MGAT5: variants seen among roughly 807,000 people sequenced by gnomAD.
MGAT5 encodes alpha-1,6-mannosylglycoprotein 6-beta-N-acetylglucosaminyltransferase.
In MGAT5, 30 loss-of-function variants were observed where a neutral mutation model predicts 94.3. The ratio of observed to expected loss-of-function variants is 0.32; its 90% CI spans 0.24 to 0.43. The LOEUF is 0.43. Ranked by LOEUF, MGAT5 falls within the 20% of genes least tolerant of loss-of-function variation. The probability of loss-of-function intolerance (pLI) is 1.00; values close to 1 mark genes in which losing one functional copy is unlikely to be tolerated. For synonymous variants in MGAT5, 310 were observed against 322.9 expected, an observed-to-expected ratio of 0.96 and a Z score of 0.43; for missense variants, 691 against 905.5, an observed-to-expected ratio of 0.76 and a Z score of 3.04.
chr2:134,279,225 T>C (rs1684554088), intron 2 of MGAT5, among the ~76,000 whole-genome samples: 1 of 152,242 alleles, frequency 6.6e-6, no homozygotes, highest in Admixed American at 6.5e-5. Flanking sequence ...CTGCCACTTA[T>C]GTGCTTTGAC....
At chr2:134,260,521 G>C (rs1683256867) in intron 1 of MGAT5, among the ~76,000 whole-genome samples, 1 of 152,136 alleles carries the variant, frequency 6.6e-6, no homozygotes, top group Admixed American at 6.5e-5. Flanking sequence ...GAGAGCTTTT[G>C]CAAGTGTTTC....
chr2:134,256,557 G>A (rs1420057114), intron 1 of MGAT5, among the ~76,000 whole-genome samples: 1 of 152,182 alleles, frequency 6.6e-6, no homozygotes, highest in Non-Finnish European at 1.5e-5. Context: ...AAATCTCATA[G>A]GGAAGGCTTC....
intron 1 of MGAT5, among the ~76,000 whole-genome samples, chr2:134,152,667 C>G (rs924720610): frequency 3.9e-5 from 6 of 152,216 alleles, no homozygotes; most frequent in African/African-American, 7.2e-5. Flanking sequence ...CCAGAGACTT[C>G]ACTAATGAAC....
At chr2:134,289,192 C>A (rs916471194) in intron 2 of MGAT5, among the ~76,000 whole-genome samples, 4 of 152,188 alleles carry the variant, frequency 2.6e-5, no homozygotes, top group African/African-American at 9.6e-5. Flanking sequence ...GTGCCAGTCT[C>A]TCCTCTTCCC....
At chr2:134,414,728 T>C (rs1484697282) in intron 12 of MGAT5, among the ~76,000 whole-genome samples, 1 of 152,216 alleles carries the variant, frequency 6.6e-6, no homozygotes, top group African/African-American at 2.4e-5. Flanking sequence ...AATCAACTTG[T>C]ATAACTGAGA....
intron 1 of MGAT5, among the ~76,000 whole-genome samples, chr2:134,175,977 T>TAGCTTACAATCATGTTGTTTTATGAC (rs1440540239): frequency 2.0e-5 from 3 of 152,232 alleles, no homozygotes; most frequent in Admixed American, 2.0e-4. Flanking sequence ...TATTTTATGA[T>TAGCTTACAATCATGTTGTTTTATGAC]AGCTTACAAT....
chr2:134,440,771 G>A (rs930668112), intron 14 of MGAT5, among the ~76,000 whole-genome samples: 1 of 152,166 alleles, frequency 6.6e-6, no homozygotes, highest in African/African-American at 2.4e-5. Context: ...GAATTATGAG[G>A]TGGGAGGAGG....
chr2:134,199,941 G>A (rs1679696838), intron 1 of MGAT5, among the ~76,000 whole-genome samples: 1 of 152,086 alleles, frequency 6.6e-6, no homozygotes, highest in Non-Finnish European at 1.5e-5. Flanking sequence ...AGAAGCTTCA[G>A]TGGTCCAGTG....
chr2:134,381,493 A>G (rs191959444), intron 10 of MGAT5, among the ~76,000 whole-genome samples: 21 of 148,008 alleles, frequency 1.4e-4, no homozygotes, highest in African/African-American at 5.3e-4. Context: ...AAATAGACAG[A>G]CCAGACAGAC....
intron 10 of MGAT5, among the ~76,000 whole-genome samples, chr2:134,382,297 A>G (rs1681680148): frequency 6.6e-6 from 1 of 152,116 alleles, no homozygotes; most frequent in Non-Finnish European, 1.5e-5. Flanking sequence ...GCTCCAGATC[A>G]GTAGATCAGA....
At chr2:134,437,019 C>T (rs749805855) in intron 14 of MGAT5, among the ~76,000 whole-genome samples, 3 of 152,212 alleles carry the variant, frequency 2.0e-5, no homozygotes, top group Non-Finnish European at 4.4e-5. Context: ...CACAGAGTCT[C>T]GCTCTGTCGC....
chr2:134,138,214 C>CT (rs1686506575), intron 1 of MGAT5, among the ~76,000 whole-genome samples: 1 of 20,380 alleles, frequency 4.9e-5, no homozygotes, highest in African/African-American at 1.9e-4. Flanking sequence ...CTATCATTGC[C>CT]CTTTTTTTTT....
In MGAT5 at chr2:134,192,012, C is replaced by T. The variant is rs10199475; in HGVS notation, c.-142-62250C>T. ...TAGGGTGGGTTCGCGCCCTCCTCCT[C>T]GCGTGAGCGGGTTCCTGATTGAAGG... is the stretch of plus-strand genomic sequence containing the variant. On this transcript the variant is annotated intron_variant, in intron 1 of 16. Transcript: ENST00000409645. 6.9e-3 allele frequency among the ~76,000 whole-genome samples: 991 copies of T among 143,930 alleles called. 9 individuals are homozygous for T. The highest frequency in any genetic ancestry group is 0.024 in the African/African-American group (915 of 38,582). 94.4% of individuals were successfully genotyped at this position (143,930 alleles called of 152,430 possible).
At chr2:134,366,175 A>G (rs960740877) in intron 10 of MGAT5, among the ~76,000 whole-genome samples, 2 of 152,216 alleles carry the variant, frequency 1.3e-5, no homozygotes, top group Non-Finnish European at 2.9e-5. Flanking sequence ...TGCTAACACT[A>G]GAGATGTACC....
intron 1 of MGAT5, among the ~76,000 whole-genome samples, chr2:134,255,528 T>C (rs183368105): frequency 1.4e-3 from 214 of 150,114 alleles, no homozygotes; most frequent in African/African-American, 4.4e-3. Context: ...TACACACACA[T>C]ATATATATAC....
intron 2 of MGAT5, among the ~76,000 whole-genome samples, chr2:134,306,848 A>G (rs1458280394): frequency 2.0e-5 from 3 of 152,168 alleles, no homozygotes; most frequent in African/African-American, 7.2e-5. Context: ...TGCCTTTTCC[A>G]GGGCATAGTC....
At position 134,177,770 on chromosome 2, in the gene MGAT5, C is replaced by T. The variant is rs544149584; in HGVS notation, c.-143+57479C>T. Among the ~76,000 whole-genome samples the T allele has an allele frequency of 9.4e-4, 143 of 152,326 alleles. 1 individual carries two copies. The highest frequency in any genetic ancestry group is 3.2e-3 in the African/African-American group (134 of 41,556). On this transcript the variant is annotated intron_variant, in intron 1 of 16. Transcript: ENST00000409645. ...GCCAGTGCTCATGCAGGCTCGCAGT[C>T]AGCAGCACGGAATGGCCGATGCTGA... is the stretch of plus-strand genomic sequence containing the variant.
chr2:134,172,450 G>A (rs1041116284), intron 1 of MGAT5, among the ~76,000 whole-genome samples: 4 of 151,840 alleles, frequency 2.6e-5, no homozygotes, highest in East Asian at 1.9e-4. Context: ...GCAGTGGCAC[G>A]ATCTCAGCTC....
chr2:134,155,581 A>T (rs1687435770), intron 1 of MGAT5, among the ~76,000 whole-genome samples: 2 of 152,224 alleles, frequency 1.3e-5, no homozygotes, highest in Admixed American at 1.3e-4. Context: ...AGTACTGGAA[A>T]AAATGTTGGT....
Sources: gnomAD v4.1 joint callset for allele counts (sites outside exome capture counted in the v4.1 genomes callset) on GRCh38, gnomAD v4.1.1 for gene constraint, MANE v1.5 for transcripts, NCBI Gene and HGNC (gene_info 2026-07-23, HGNC 2026-07-21) for gene names.